The following PPM1L variants were observed in gnomAD, a reference collection of about 807,000 sequenced individuals.
PPM1L encodes protein phosphatase 1L.
PPM1L carries 13 observed loss-of-function variants against 31.4 expected under a neutral mutation model. The ratio of observed to expected loss-of-function variants is 0.41; its 90% CI spans 0.27 to 0.66. The LOEUF is 0.66. PPM1L is among the 30% of genes least tolerant of loss of function. PPM1L has a pLI of 0.29. For synonymous variants in PPM1L, 184 were observed against 175.4 expected (o/e 1.05, Z -0.39); for missense variants, 326 against 453.7 (o/e 0.72, Z 2.56).
intron 1 of PPM1L, among the ~76,000 whole-genome samples, chr3:160,916,839 G>T (rs759924369): frequency 2.6e-5 from 4 of 152,052 alleles, no homozygotes; most frequent in Non-Finnish European, 5.9e-5. Context: ...GTGGAGTCAG[G>T]CCCTCCAAAT....
chr3:160,790,639 C>G (rs1049576502), intron 1 of PPM1L, among the ~76,000 whole-genome samples: 5 of 152,008 alleles, frequency 3.3e-5, no homozygotes, highest in African/African-American at 1.2e-4. Flanking sequence ...GTATTATTGT[C>G]ATGAAAACTT....
chr3:160,999,669 C>T (rs896482564), intron 2 of PPM1L, among the ~76,000 whole-genome samples: 2 of 152,224 alleles, frequency 1.3e-5, no homozygotes, highest in African/African-American at 4.8e-5. Context: ...TCCTGTAATT[C>T]CCCAGAGTTC....
intron 1 of PPM1L, among the ~76,000 whole-genome samples, chr3:160,857,487 A>C (rs1382504948): frequency 6.6e-6 from 1 of 152,198 alleles, no homozygotes; most frequent in Middle Eastern, 3.2e-3. Context: ...AATGTAATGC[A>C]AAAACAGTCC....
At chr3:160,939,132 C>G (rs1715075277) in intron 1 of PPM1L, among the ~76,000 whole-genome samples, 1 of 152,170 alleles carries the variant, frequency 6.6e-6, no homozygotes, top group Non-Finnish European at 1.5e-5. Context: ...TAAATATTAG[C>G]TATTGCTATT....
chr3:160,823,884 T>C (rs80272656), intron 1 of PPM1L, among the ~76,000 whole-genome samples: 38 of 152,252 alleles, frequency 2.5e-4, no homozygotes, highest in African/African-American at 9.1e-4. Flanking sequence ...CTGTTCAGTA[T>C]TGATGACTAG....
chr3:160,966,108 A>G (rs147240775), intron 2 of PPM1L, among the ~76,000 whole-genome samples: 2 of 152,138 alleles, frequency 1.3e-5, no homozygotes, highest in East Asian at 3.9e-4. Context: ...AGCAAAAACC[A>G]TGTGTGTGCA....
Position 160,936,113 on chromosome 3 carries a change from A to G in PPM1L, c.400-25623A>G, listed in dbSNP as rs573766434. Among the ~76,000 whole-genome samples the G allele has an allele frequency of 6.6e-5, 10 of 152,000 alleles. No individual in the cohort carries two copies. The South Asian group carries it at 2.1e-3, about 32-fold the overall frequency. ...ATAAGGGTTATGTGGGGGAACTTGG[A>G]GAGAATTTTTTTTTTCCCCAGGCTG... On this transcript the variant is annotated intron_variant, in intron 1 of 3. Coordinates refer to ENST00000498165, the MANE Select transcript of PPM1L (RefSeq NM_139245.4).
chr3:160,850,852 T>C (rs1195599720), intron 1 of PPM1L, among the ~76,000 whole-genome samples: 1 of 149,362 alleles, frequency 6.7e-6, no homozygotes, highest in African/African-American at 2.4e-5. Flanking sequence ...TATTTCACTT[T>C]AAGGATATTG....
chr3:160,906,611 G>C (rs1560146564), intron 1 of PPM1L, among the ~76,000 whole-genome samples: 1 of 117,754 alleles, frequency 8.5e-6, no homozygotes, highest in East Asian at 2.2e-4. Context: ...ATAAAGAAAA[G>C]AAAAGAAAAG....
At chr3:160,994,087 C>T (rs1254612939) in intron 2 of PPM1L, among the ~76,000 whole-genome samples, 1 of 152,082 alleles carries the variant, frequency 6.6e-6, no homozygotes, top group African/African-American at 2.4e-5. Context: ...TTACTTCTCT[C>T]TATTAATTCA....
intron 2 of PPM1L, among the ~76,000 whole-genome samples, chr3:161,009,626 C>A (rs1717825057): frequency 6.6e-6 from 1 of 152,148 alleles, no homozygotes; most frequent in Non-Finnish European, 1.5e-5. Flanking sequence ...CTTGTTATTG[C>A]ATCTCCCTCC....
intron 2 of PPM1L, among the ~76,000 whole-genome samples, chr3:161,018,384 T>C: frequency 6.6e-6 from 1 of 152,244 alleles, no homozygotes; most frequent in Non-Finnish European, 1.5e-5. Flanking sequence ...TAATATCAAA[T>C]GGTTTTCATA....
In PPM1L at chr3:160,808,407, G is replaced by GCGCGCGCGCA. The variant is rs1429088396; in HGVS notation, c.399+51700_399+51701insCGCGCGCGCA. 9.7e-4 allele frequency among the ~76,000 whole-genome samples: 145 copies of GCGCGCGCGCA among 149,350 alleles called. 12 individuals are homozygous for GCGCGCGCGCA. The highest frequency in any genetic ancestry group is 3.5e-3 in the Middle Eastern group (1 of 288). ...CCTGTGTGTGTGTGTGTGTGTGTGT[G>GCGCGCGCGCA]TGTGTGTGTGTGTGTGGTGGGTGAG... On this transcript the variant is annotated intron_variant, in intron 1 of 3. Transcript: ENST00000498165.
intron 1 of PPM1L, among the ~76,000 whole-genome samples, chr3:160,818,963 G>C (rs548203490): frequency 1.0e-3 from 152 of 151,982 alleles, no homozygotes; most frequent in African/African-American, 3.5e-3. Flanking sequence ...TTGGTGAGCT[G>C]CCAGAAGTCT....
At chr3:160,830,044 A>G (rs1713478073) in intron 1 of PPM1L, among the ~76,000 whole-genome samples, 1 of 152,220 alleles carries the variant, frequency 6.6e-6, no homozygotes, top group Non-Finnish European at 1.5e-5. Context: ...TGAGAAAACA[A>G]GAAGAAATCC....
intron 1 of PPM1L, among the ~76,000 whole-genome samples, chr3:160,822,013 C>T (rs1303234981): frequency 2.0e-5 from 3 of 151,844 alleles, no homozygotes; most frequent in African/African-American, 7.3e-5. Flanking sequence ...GGTTGCAAAG[C>T]CTGTATTCAC....
intron 2 of PPM1L, among the ~76,000 whole-genome samples, chr3:160,978,620 A>G (rs1051436024): frequency 3.9e-5 from 6 of 152,338 alleles, no homozygotes; most frequent in Admixed American, 2.6e-4. Context: ...GCTTGAGCCC[A>G]GGAGTTCAAG....
At chr3:161,039,868 G>A (rs1045495589) in intron 2 of PPM1L, among the ~76,000 whole-genome samples, 3 of 152,312 alleles carry the variant, frequency 2.0e-5, no homozygotes, top group Admixed American at 2.0e-4. Context: ...GGCAAATTTA[G>A]ATAGAAAGCA....
intron 1 of PPM1L, among the ~76,000 whole-genome samples, chr3:160,941,956 C>G (rs916022238): frequency 6.6e-6 from 1 of 152,212 alleles, no homozygotes; most frequent in African/African-American, 2.4e-5. Flanking sequence ...TCAGCCAGCC[C>G]TCTGCTTTTC....
Sources: allele counts gnomAD v4.1 joint callset (sites outside exome capture counted in the v4.1 genomes callset), GRCh38; gene constraint gnomAD v4.1.1; transcripts MANE v1.5; gene names NCBI Gene and HGNC (gene_info 2026-07-23, HGNC 2026-07-21).